The following AP1M1 variants were observed in gnomAD, a reference collection of about 807,000 sequenced individuals.
AP1M1 encodes AP-1 complex subunit mu-1.
AP1M1 carries 18 observed loss-of-function variants against 57.1 expected under a neutral mutation model. The observed-to-expected ratio is 0.32, with a 90% CI of 0.22 to 0.47. The LOEUF (loss-of-function observed/expected upper bound fraction) is 0.47. Among genes scored for constraint, AP1M1 ranks in the 20% least tolerant of loss-of-function variants. AP1M1 has a pLI of 1.00. For missense variants in AP1M1, 362 were observed against 593.5 expected (o/e 0.61, Z 4.05); for synonymous variants, 241 against 237.9 (o/e 1.01, Z -0.12).
chr19:16,225,844 C>T lies in AP1M1; in HGVS notation c.547-577C>T, dbSNP rs376931632. Among the ~76,000 whole-genome samples the T allele has an allele frequency of 4.6e-5, 7 of 152,188 alleles. No homozygotes were observed. In the East Asian group the frequency reaches 9.7e-4, roughly 21 times the overall value. On this transcript the variant is annotated intron_variant, in intron 5 of 11. Coordinates refer to ENST00000291439, the MANE Select transcript of AP1M1 (RefSeq NM_032493.4). ...TCATAAGCCCTGGGGGGTGAGGGGC[C>T]AGTGGCCTCCCTGGGAGGCCAAGAG... is the stretch of plus-strand genomic sequence containing the variant.
chr19:16,206,556 TCCCA>T lies in AP1M1; in HGVS notation c.267+149_267+152del. ...AAGCCCAGGAAGTGGGAAAGGGGAGTCCCAACTCCCCACGCCTGTGGAATTCTAT... is the reference window on the plus strand; with the variant it reads ...AAGCCCAGGAAGTGGGAAAGGGGAGTACTCCCCACGCCTGTGGAATTCTAT... On this transcript the variant is annotated intron_variant, in intron 3 of 11. Coordinates refer to ENST00000291439, the MANE Select transcript of AP1M1 (RefSeq NM_032493.4). This position sits in a 1 kb window ranked among gnomAD's most constrained non-coding sequence, Gnocchi z 4.3. The T allele has an allele frequency of 5.2e-6, 4 of 763,652 alleles. No individual in the cohort carries two copies. Among genetic ancestry groups the T allele is most frequent in the Non-Finnish European group, 8.8e-6 (4 of 453,028 alleles). 47.3% of individuals were successfully genotyped at this position (763,652 alleles called of 1,614,324 possible). A position where few individuals can be genotyped will look rare whatever the true frequency, so the allele number is the denominator to read the frequency against.
At chr19:16,208,303 C>G in intron 4 of AP1M1, 154 bp downstream of exon 4, 2 of 818,270 alleles carry the variant, frequency 2.4e-6, no homozygotes, top group East Asian at 5.6e-5. Context: ...CTAAGTTGCT[C>G]TTAGTGGTTT....
intron 5 of AP1M1, among the ~76,000 whole-genome samples, chr19:16,213,339 T>C (rs900719515): frequency 1.3e-5 from 2 of 152,244 alleles, no homozygotes; most frequent in African/African-American, 4.8e-5. Context: ...CATTATGCAA[T>C]GCACTTCTTT....
Position 16,228,106 on chromosome 19 carries a change from G to T in AP1M1, c.817-31G>T. On this transcript the variant is annotated intron_variant, in intron 7 of 11. Coordinates refer to ENST00000291439, the MANE Select transcript of AP1M1 (RefSeq NM_032493.4). The surrounding 1 kb of genome is among the most constrained non-coding windows in gnomAD (Gnocchi z 5.0). ...ATGGGCCTTTGTCAAACAAGGCCAG[G>T]TGTGAGCACCCTCTTTGCCCTCCTT... The T allele has an allele frequency of 6.2e-7, 1 of 1,611,176 alleles. No individual in the cohort carries two copies. Among genetic ancestry groups the T allele is most frequent in the Non-Finnish European group, 8.5e-7 (1 of 1,178,326 alleles).
chr19:16,208,797 C>T (rs1312083177), intron 4 of AP1M1: 1 of 479,796 alleles, frequency 2.1e-6, no homozygotes, highest in African/African-American at 1.9e-5. Context: ...GCACTTCAGC[C>T]TCTATAACTT....
In AP1M1 at chr19:16,207,947, C is replaced by A; in HGVS notation, c.268-72C>A. On this transcript the variant is annotated intron_variant, in intron 3 of 11. Coordinates refer to ENST00000291439, the MANE Select transcript of AP1M1 (RefSeq NM_032493.4). This position sits in a 1 kb window ranked among gnomAD's most constrained non-coding sequence, Gnocchi z 4.2. ...TAGCGGGCAAATGAATGTGTGCAAGCGTTCATTCATTCCTCATCCGTCCGC... is the reference window on the plus strand; with the variant it reads ...TAGCGGGCAAATGAATGTGTGCAAGAGTTCATTCATTCCTCATCCGTCCGC... 1 of 1,537,348 alleles carries A rather than the reference C, an allele frequency of 6.5e-7. No individual in the cohort carries two copies. The highest frequency in any genetic ancestry group is 8.8e-7 in the Non-Finnish European group (1 of 1,134,622).
At chr19:16,223,248 T>C (rs1669894590) in intron 5 of AP1M1, among the ~76,000 whole-genome samples, 2 of 152,232 alleles carry the variant, frequency 1.3e-5, no homozygotes, top group South Asian at 4.1e-4. Flanking sequence ...GGGCGTGCAC[T>C]GCCCAGTGGT....
Position 16,227,512 on chromosome 19 carries a change from G to A in AP1M1, c.674-36G>A. On this transcript the variant is annotated intron_variant, in intron 6 of 11. Coordinates refer to ENST00000291439, the MANE Select transcript of AP1M1 (RefSeq NM_032493.4). This position sits in a 1 kb window ranked among gnomAD's most constrained non-coding sequence, Gnocchi z 6.2. Reference sequence around the variant, plus strand: ...GTACTGCTGAGATAGTGACCCGGAGGGCCCAGATCTGTCCTACCCTCACCC... The same window carrying A: ...GTACTGCTGAGATAGTGACCCGGAGAGCCCAGATCTGTCCTACCCTCACCC... 6.3e-7 allele frequency: 1 copy of A among 1,597,542 alleles called. No individual in the cohort carries two copies. The highest frequency in any genetic ancestry group is 8.6e-7 in the Non-Finnish European group (1 of 1,166,640).
At position 16,203,738 on chromosome 19, in the gene AP1M1, C is replaced by A; in HGVS notation, c.199+123C>A. ...CGCAAGCATTGGACACAGCCATGCC[C>A]TCCTGGAGCTCCCTGCTGCCTGCGG... On this transcript the variant is annotated intron_variant, in intron 2 of 11. Coordinates refer to ENST00000291439, the MANE Select transcript of AP1M1 (RefSeq NM_032493.4). This position sits in a 1 kb window ranked among gnomAD's most constrained non-coding sequence, Gnocchi z 4.6. 1 of 1,009,062 alleles carries A rather than the reference C, an allele frequency of 9.9e-7. No individual in the cohort carries two copies. The highest frequency in any genetic ancestry group is 1.4e-6 in the Non-Finnish European group (1 of 689,822). 62.5% of individuals were successfully genotyped at this position (1,009,062 alleles called of 1,614,324 possible).
chr19:16,224,796 C>G (rs73519774), intron 5 of AP1M1, among the ~76,000 whole-genome samples: 2,252 of 152,280 alleles, frequency 0.015, 56 homozygotes, highest in African/African-American at 0.052. Context: ...GTGGAGGGCC[C>G]TCCGAGAAAG....
chr19:16,208,523 G>C (rs1568348832), intron 4 of AP1M1, among the ~76,000 whole-genome samples: 1 of 152,032 alleles, frequency 6.6e-6, no homozygotes, highest in Non-Finnish European at 1.5e-5. Context: ...GTGCTTCCTG[G>C]GGGCCGGGCC....
intron 2 of AP1M1, among the ~76,000 whole-genome samples, chr19:16,204,076 C>G (rs1304198193): frequency 6.6e-6 from 1 of 152,130 alleles, no homozygotes; most frequent in Non-Finnish European, 1.5e-5. Flanking sequence ...CAGGAAGTCT[C>G]TGGAGGCTTT....
chr19:16,235,997 A>C lies in AP1M1; in HGVS notation c.*1562A>C, dbSNP rs575091738. ...ACAGCCTGAGTAGAACCTTCCGCCC[A>C]CGTAGGTCTTCCCCATCTCAGTCAA... is the stretch of plus-strand genomic sequence containing the variant. On this transcript the variant is annotated 3_prime_UTR_variant, in exon 12 of 12. Transcript: ENST00000291439. The C allele has an allele frequency of 1.3e-5, 2 of 152,074 alleles. No individual in the cohort carries two copies. The highest frequency in any genetic ancestry group is 2.1e-4 in the South Asian group (1 of 4,826). 9.4% of individuals were successfully genotyped at this position (152,074 alleles called of 1,614,324 possible).
In AP1M1 at chr19:16,237,406, C is replaced by G. The variant is rs2091629348; in HGVS notation, c.*2971C>G. 1 of 152,444 alleles carries G rather than the reference C, an allele frequency of 6.6e-6. No homozygotes were observed. Among genetic ancestry groups the G allele is most frequent in the Non-Finnish European group, 1.5e-5 (1 of 68,312 alleles). 9.4% of individuals were successfully genotyped at this position (152,444 alleles called of 1,614,324 possible). On this transcript the variant is annotated 3_prime_UTR_variant, in exon 12 of 12. Transcript: ENST00000291439. ...CCAAGATAGTGTTACTGCACTCCAGCCTGGGCAACAGAGCGAGACTCCGTC... is the reference window on the plus strand; with the variant it reads ...CCAAGATAGTGTTACTGCACTCCAGGCTGGGCAACAGAGCGAGACTCCGTC...
At chr19:16,213,745 G>A (rs951314825) in intron 5 of AP1M1, among the ~76,000 whole-genome samples, 4 of 152,068 alleles carry the variant, frequency 2.6e-5, no homozygotes, top group Non-Finnish European at 4.4e-5. Flanking sequence ...CACTCGCCTC[G>A]GCCTCCCAAA....
chr19:16,228,991 G>T lies in AP1M1; in HGVS notation c.1047+63G>T, dbSNP rs1296769000. 6.4e-7 allele frequency: 1 copy of T among 1,571,842 alleles called. No homozygotes were observed. The highest frequency in any genetic ancestry group is 1.7e-5 in the Admixed American group (1 of 57,466). ...CCTGTCTCTGCAAGGCAGCCTGGGT[G>T]CCTCAGGACCCCCTGCACCTCAAGA... On this transcript the variant is annotated intron_variant, in intron 9 of 11. Coordinates refer to ENST00000291439, the MANE Select transcript of AP1M1 (RefSeq NM_032493.4). The surrounding 1 kb of genome is among the most constrained non-coding windows in gnomAD (Gnocchi z 5.0).
chr19:16,226,547 C>T lies in AP1M1; in HGVS notation c.673C>T (p.Arg225Cys), dbSNP rs1170449687. Reference protein sequence around the residue: ...NDKVLFDNTGRGKSKSVELED... With the variant: ...NDKVLFDNTGCGKSKSVELED... Reference sequence around the variant, plus strand: ...CAAGGTCCTCTTTGACAACACGGGCCGTGAGTACCCTTGCCAAGGGCCCTG... The same window carrying T: ...CAAGGTCCTCTTTGACAACACGGGCTGTGAGTACCCTTGCCAAGGGCCCTG... The change falls in exon 6 of 12, where the codon CGC (arginine) becomes TGC (cysteine). Residue 225 changes from arginine (R) to cysteine (C), a missense_variant and splice_region_variant. Around this residue, in one of 2 missense-constraint regions of AP1M1, gnomAD observed 337 missense variants for 511.1 expected, o/e 0.66. Transcript: ENST00000291439. 1 of 1,578,556 alleles carries T rather than the reference C, an allele frequency of 6.3e-7. No individual in the cohort carries two copies. The highest frequency in any genetic ancestry group is 1.3e-5 in the African/African-American group (1 of 74,566).
intron 1 of AP1M1, chr19:16,198,429 G>A (rs2091433509): frequency 1.2e-5 from 2 of 167,292 alleles, no homozygotes; most frequent in Admixed American, 1.3e-4. Flanking sequence ...CAGGGGCTGC[G>A]CGACCCTTGG....
rs1452726022 is a variant in AP1M1, at chr19:16,237,267, A to G, written c.*2832A>G. ...TGGCCAGCATGGTGAAGCCCCATCT[A>G]TACTAAAAATACAAGAATTAGCCGG... On this transcript the variant is annotated 3_prime_UTR_variant, in exon 12 of 12. Coordinates refer to ENST00000291439, the MANE Select transcript of AP1M1 (RefSeq NM_032493.4). The G allele has an allele frequency of 6.6e-6, 1 of 151,918 alleles. No individual in the cohort carries two copies. Among genetic ancestry groups the G allele is most frequent in the African/African-American group, 2.4e-5 (1 of 41,340 alleles). The allele number at this position is 151,918 out of a possible 1,614,324, so 9.4% of individuals were successfully genotyped here. A position where few individuals can be genotyped will look rare whatever the true frequency, so the allele number is the denominator to read the frequency against.
Sources: gnomAD v4.1 joint callset for allele counts (sites outside exome capture counted in the v4.1 genomes callset) on GRCh38, gnomAD v4.1.1 for gene constraint, gnomAD v4.1.1 regional missense constraint, Gnocchi (gnomAD v3.1) non-coding constraint, MANE v1.5 for transcripts, NCBI Gene and HGNC (gene_info 2026-07-23, HGNC 2026-07-21) for gene names.